Variants in BMPR1A observed in about 807,000 individuals in gnomAD.
The protein encoded by BMPR1A is bone morphogenetic protein receptor type-1A.
BMPR1A carries 7 observed loss-of-function variants against 66.0 expected under a neutral mutation model. The observed-to-expected ratio is 0.11, with a 90% CI of 0.06 to 0.20. The LOEUF (loss-of-function observed/expected upper bound fraction) is 0.20. BMPR1A is among the 10% of genes least tolerant of loss of function. The probability of loss-of-function intolerance (pLI) is 1.00; values close to 1 mark genes in which losing one functional copy is unlikely to be tolerated. For synonymous variants in BMPR1A, 200 were observed against 229.7 expected (o/e 0.87, Z 1.17); for missense variants, 408 against 669.1 (o/e 0.61, Z 4.31).
In BMPR1A at chr10:86,921,652, C is replaced by G; in HGVS notation, c.1299C>G (p.Phe433Leu). The G allele has an allele frequency of 6.2e-7, 1 of 1,614,170 alleles. No homozygotes were observed. The highest frequency in any genetic ancestry group is 1.1e-5 in the South Asian group (1 of 91,080). Residue 433 changes from phenylalanine to leucine, a missense_variant, in exon 11 of 13, where the codon TTC becomes TTG. By Grantham distance (22) the Phe-to-Leu change is conservative. Coordinates refer to ENST00000372037, the MANE Select transcript of BMPR1A (RefSeq NM_004329.3). ...ACATCATGGCTGACATCTACAGCTT[C>G]GGCCTAATCATTTGGGAGATGGCTC... ...QPYIMADIYS[F>L]GLIIWEMARR...
chr10:86,773,941 C>T (rs1214675290), intron 1 of BMPR1A, among the ~76,000 whole-genome samples: 1 of 150,682 alleles, frequency 6.6e-6, no homozygotes, highest in Non-Finnish European at 1.5e-5. Flanking sequence ...ACCTGTGCCT[C>T]CTGGGTTCAA....
rs1480528360 is a variant in BMPR1A, at chr10:86,919,302, A to T, written c.999A>T (p.Lys333Asn). ...CACTGGACACCAGAGCCCTGCTTAA[A>T]TTGGCTTATTCAGCTGCCTGTGGTC... ...CATLDTRALL[K>N]LAYSAACGLC... Residue 333 changes from lysine to asparagine, a missense_variant, in exon 10 of 13, where the codon AAA (lysine) becomes AAT (asparagine). By Grantham distance (94) the Lys-to-Asn change is moderately conservative. Around this residue, in one of 5 missense-constraint regions of BMPR1A, gnomAD observed 23 missense variants for 17.2 expected, o/e 1.34. Coordinates refer to ENST00000372037, the MANE Select transcript of BMPR1A (RefSeq NM_004329.3). 7 of 1,613,828 alleles carry T rather than the reference A, an allele frequency of 4.3e-6. No homozygotes were observed. The highest frequency in any genetic ancestry group is 5.9e-6 in the Non-Finnish European group (7 of 1,179,874).
At chr10:86,774,703 A>G (rs1841317866) in intron 1 of BMPR1A, among the ~76,000 whole-genome samples, 1 of 152,236 alleles carries the variant, frequency 6.6e-6, no homozygotes, top group African/African-American at 2.4e-5. Flanking sequence ...AACACGAGCA[A>G]ATTGAATCAA....
At chr10:86,774,941 C>T (rs2132672998) in intron 1 of BMPR1A, among the ~76,000 whole-genome samples, 1 of 152,302 alleles carries the variant, frequency 6.6e-6, no homozygotes, top group South Asian at 2.1e-4. Context: ...TAATTTTCTA[C>T]CTGGGGCGTG....
At chr10:86,907,450 C>T (rs1312492343) in intron 7 of BMPR1A, among the ~76,000 whole-genome samples, 2 of 152,216 alleles carry the variant, frequency 1.3e-5, no homozygotes, top group Non-Finnish European at 2.9e-5. Context: ...AAAATCAGAA[C>T]TACCATATGA....
At chr10:86,770,173 CCCAG>C (rs929884503) in intron 1 of BMPR1A, among the ~76,000 whole-genome samples, 4 of 152,190 alleles carry the variant, frequency 2.6e-5, no homozygotes, top group Admixed American at 2.6e-4. Context: ...CGCCTGTGGT[CCCAG>C]CTGCTCAGGA....
chr10:86,833,506 C>T (rs1468900008), intron 1 of BMPR1A, among the ~76,000 whole-genome samples: 1 of 152,132 alleles, frequency 6.6e-6, no homozygotes, highest in Non-Finnish European at 1.5e-5. Flanking sequence ...ATAGATGAAG[C>T]AGAGGGAGGT....
At chr10:86,894,346 A>G (rs1348905986) in intron 5 of BMPR1A, among the ~76,000 whole-genome samples, 2 of 152,224 alleles carry the variant, frequency 1.3e-5, no homozygotes, top group African/African-American at 4.8e-5. Flanking sequence ...TTTCCTATAC[A>G]GTTGTTACAT....
At chr10:86,914,755 G>T (rs1278350111) in intron 8 of BMPR1A, among the ~76,000 whole-genome samples, 1 of 152,144 alleles carries the variant, frequency 6.6e-6, no homozygotes, top group Non-Finnish European at 1.5e-5. Flanking sequence ...TACATTGCTG[G>T]TTGGAATGCA....
At chr10:86,923,094 G>A (rs1843690853) in intron 11 of BMPR1A, among the ~76,000 whole-genome samples, 1 of 152,160 alleles carries the variant, frequency 6.6e-6, no homozygotes, top group Non-Finnish European at 1.5e-5. Context: ...TAGGGTAAAT[G>A]GCTGATTTCG....
chr10:86,847,177 A>G (rs971164247), intron 2 of BMPR1A, among the ~76,000 whole-genome samples: 22 of 152,242 alleles, frequency 1.4e-4, no homozygotes, highest in African/African-American at 5.1e-4. Context: ...TTTTAGATGC[A>G]GACGGTGGTT....
At position 86,927,446 on chromosome 10, in the gene BMPR1A, C is replaced by G. The variant is rs1843760461; in HGVS notation, c.*3727C>G. The G allele has an allele frequency of 5.0e-6, 1 of 199,894 alleles. No individual in the cohort carries two copies. Among genetic ancestry groups the G allele is most frequent in the African/African-American group, 2.3e-5 (1 of 43,490 alleles). 12.4% of individuals were successfully genotyped at this position (199,894 alleles called of 1,614,324 possible). A position where few individuals can be genotyped will look rare whatever the true frequency, so the allele number is the denominator to read the frequency against. The stretch of plus-strand genomic sequence containing the variant: ...AAAATAGCAGTGCCACAGCTCGTCT[C>G]TTGCCTTAGTGTGCTGCTGTGAGAG... On this transcript the variant is annotated 3_prime_UTR_variant, in exon 13 of 13. Transcript: ENST00000372037.
At chr10:86,786,141 C>G (rs1340975271) in intron 1 of BMPR1A, among the ~76,000 whole-genome samples, 1 of 152,098 alleles carries the variant, frequency 6.6e-6, no homozygotes, top group Non-Finnish European at 1.5e-5. Context: ...ATGAACTGAC[C>G]ATGCTTCTAG....
chr10:86,776,916 C>A (rs760198192), intron 1 of BMPR1A, among the ~76,000 whole-genome samples: 8 of 152,106 alleles, frequency 5.3e-5, no homozygotes, highest in Non-Finnish European at 1.0e-4. Flanking sequence ...TTCTGTTATA[C>A]AATAATAACA....
Position 86,925,413 on chromosome 10 carries a change from T to G in BMPR1A, c.*1694T>G, listed in dbSNP as rs1843725795. On this transcript the variant is annotated 3_prime_UTR_variant, in exon 13 of 13. Coordinates refer to ENST00000372037, the MANE Select transcript of BMPR1A (RefSeq NM_004329.3). ...CCATTACCAAAATTTGACTATCATT[T>G]AAGGTTAAAACTTACAAATTTGTCT... The G allele has an allele frequency of 4.6e-6, 1 of 217,542 alleles. No homozygotes were observed. The highest frequency in any genetic ancestry group is 2.2e-5 in the African/African-American group (1 of 44,474). The allele number at this position is 217,542 out of a possible 1,614,324, so 13.5% of individuals were successfully genotyped here.
intron 7 of BMPR1A, among the ~76,000 whole-genome samples, chr10:86,909,815 C>T (rs553033230): frequency 6.6e-6 from 1 of 151,960 alleles, no homozygotes; most frequent in African/African-American, 2.4e-5. Context: ...AAATTTGATA[C>T]ATTTAAAACT....
chr10:86,910,841 C>T (rs1564721498), intron 7 of BMPR1A, among the ~76,000 whole-genome samples: 1 of 152,104 alleles, frequency 6.6e-6, no homozygotes, highest in Non-Finnish European at 1.5e-5. Flanking sequence ...CACAGTGGGT[C>T]ACACCTGTAA....
intron 3 of BMPR1A, among the ~76,000 whole-genome samples, chr10:86,879,433 C>T (rs1842959616): frequency 6.6e-6 from 1 of 152,208 alleles, no homozygotes; most frequent in Admixed American, 6.5e-5. Flanking sequence ...ACGATTATCT[C>T]TGCTGAGAGT....
chr10:86,863,331 A>G (rs2133245726), intron 2 of BMPR1A, among the ~76,000 whole-genome samples: 1 of 152,318 alleles, frequency 6.6e-6, no homozygotes, highest in African/African-American at 2.4e-5. Flanking sequence ...TTCAGATGTT[A>G]TCAAGTATCT....
Sources: allele counts gnomAD v4.1 joint callset (sites outside exome capture counted in the v4.1 genomes callset), GRCh38; gene constraint gnomAD v4.1.1; regional missense constraint gnomAD v4.1.1; transcripts MANE v1.5; gene names NCBI Gene and HGNC (gene_info 2026-07-23, HGNC 2026-07-21).